XDH: variants seen among roughly 807,000 people sequenced by gnomAD.
XDH encodes the protein xanthine dehydrogenase/oxidase.
A neutral mutation model predicts 156.1 loss-of-function variants in XDH; 138 were observed. The observed-to-expected ratio is 0.88, with a 90% CI of 0.77 to 1.02. The LOEUF is 1.02. XDH is among the 50% of genes least tolerant of loss of function. The pLI is 0.00. For missense variants in XDH, 1,849 were observed against 1,684.9 expected, an observed-to-expected ratio of 1.10 and a Z score of -1.71; for synonymous variants, 669 against 625.7, an observed-to-expected ratio of 1.07 and a Z score of -1.03.
chr2:31,341,521 T>G (rs762384643), intron 32 of XDH, 127 bp from the exon 33 acceptor site: 24 of 976,534 alleles, frequency 2.5e-5, no homozygotes, highest in Non-Finnish European at 3.5e-5. Flanking sequence ...CAGAAAGCCC[T>G]GGGTGTGCTC....
chr2:31,370,799 A>C (rs1351841142), intron 17 of XDH, among the ~76,000 whole-genome samples: 1 of 152,192 alleles, frequency 6.6e-6, no homozygotes, highest in Non-Finnish European at 1.5e-5. Context: ...CAGGAGTTTA[A>C]GACCAGCCTG....
intron 34 of XDH, among the ~76,000 whole-genome samples, chr2:31,339,272 A>G (rs1031435066): frequency 6.6e-6 from 1 of 152,166 alleles, no homozygotes; most frequent in Non-Finnish European, 1.5e-5. Flanking sequence ...GCTTCAGACC[A>G]TACTAAGGTG....
At chr2:31,372,115 G>T in intron 17 of XDH, 113 bp downstream of exon 17, 3 of 1,518,804 alleles carry the variant, frequency 2.0e-6, no homozygotes, top group South Asian at 1.1e-5. Context: ...GGTCCTGGAG[G>T]CACCTCATTA....
At chr2:31,370,707 G>C (rs1294673486) in intron 17 of XDH, among the ~76,000 whole-genome samples, 9 of 152,228 alleles carry the variant, frequency 5.9e-5, no homozygotes, top group Admixed American at 4.6e-4. Context: ...GGGATATAAA[G>C]TGAATAAGCC....
intron 15 of XDH, 35 bp from the exon 16 acceptor site, chr2:31,373,991 A>G (rs754325695): frequency 1.3e-6 from 2 of 1,593,798 alleles, no homozygotes; most frequent in Non-Finnish European, 1.7e-6. Context: ...GACCAGGATT[A>G]TATTTCAATC....
chr2:31,413,874 C>CCT (rs985968749), intron 1 of XDH, among the ~76,000 whole-genome samples: 4 of 151,996 alleles, frequency 2.6e-5, no homozygotes, highest in Non-Finnish European at 5.9e-5. Flanking sequence ...ATGCTTGCCC[C>CCT]CTCTCTCTCT....
intron 35 of XDH, among the ~76,000 whole-genome samples, chr2:31,337,007 A>G (rs1684985052): frequency 6.6e-6 from 1 of 151,228 alleles, no homozygotes; most frequent in Non-Finnish European, 1.5e-5. Flanking sequence ...GGCATTGCCA[A>G]CTACAAGTAT....
At chr2:31,357,116 CACT>C (rs1402546710) in intron 24 of XDH, among the ~76,000 whole-genome samples, 1 of 152,044 alleles carries the variant, frequency 6.6e-6, no homozygotes, top group Non-Finnish European at 1.5e-5. Flanking sequence ...AACTTTACAG[CACT>C]AAATTGAATA....
chr2:31,412,087 T>C (rs1687357688), intron 1 of XDH, among the ~76,000 whole-genome samples: 3 of 152,308 alleles, frequency 2.0e-5, no homozygotes, highest in Admixed American at 6.5e-5. Flanking sequence ...CCCAGATTCT[T>C]CCAGGTGCCA....
At chr2:31,369,088 T>C (rs1474061746) in intron 18 of XDH, among the ~76,000 whole-genome samples, 4 of 152,232 alleles carry the variant, frequency 2.6e-5, no homozygotes, top group Admixed American at 2.6e-4. Flanking sequence ...CCTTAGGCCC[T>C]GACCCCCAGT....
chr2:31,348,186 T>A lies in XDH; in HGVS notation c.3147+82A>T, dbSNP rs564214570. 7.0e-6 allele frequency: 10 copies of A among 1,430,188 alleles called. No homozygotes were observed. The African/African-American group carries it at 1.4e-4, about 20-fold the overall frequency. The allele number at this position is 1,430,188 out of a possible 1,614,324, so 88.6% of individuals were successfully genotyped here. A position where few individuals can be genotyped will look rare whatever the true frequency, so the allele number is the denominator to read the frequency against. ...CAGGGCCAGACCCCGGGCCTGCTTCTGCTCTGATAGGTCCCACTGCTCAAT... is the reference window on the plus strand; with the variant it reads ...CAGGGCCAGACCCCGGGCCTGCTTCAGCTCTGATAGGTCCCACTGCTCAAT... On this transcript the variant is annotated intron_variant, in intron 28 of 35. Coordinates refer to ENST00000379416, the MANE Select transcript of XDH (RefSeq NM_000379.4).
intron 5 of XDH, 34 bp from the exon 6 acceptor site, chr2:31,397,763 C>T: frequency 6.2e-7 from 1 of 1,613,814 alleles, no homozygotes. Context: ...AATGTCAGTG[C>T]AGGGCCCTGG....
chr2:31,377,554 CA>C (rs1686277620), intron 13 of XDH, among the ~76,000 whole-genome samples: 1 of 152,152 alleles, frequency 6.6e-6, no homozygotes, highest in African/African-American at 2.4e-5. Context: ...GGTGCTTTCA[CA>C]AAGGCTCCTT....
intron 9 of XDH, among the ~76,000 whole-genome samples, chr2:31,385,736 T>C (rs906317040): frequency 1.3e-5 from 2 of 152,232 alleles, no homozygotes; most frequent in African/African-American, 4.8e-5. Context: ...CCTGTTCAAC[T>C]ATTCCAGGCC....
chr2:31,400,990 C>A (rs1486986632), intron 4 of XDH, among the ~76,000 whole-genome samples: 1 of 152,198 alleles, frequency 6.6e-6, no homozygotes, highest in East Asian at 1.9e-4. Context: ...TCAGATCATG[C>A]AATGTTATAA....
rs370893474 is a variant in XDH, at chr2:31,380,961, TATA to T, written c.1132+669_1132+671del. Among the ~76,000 whole-genome samples, 120 of 152,356 alleles carry T rather than the reference TATA, an allele frequency of 7.9e-4. 3 individuals are homozygous for T. The East Asian group carries it at 0.016, about 20-fold the overall frequency. ...GAGTATTTATTCCTTTTGTTTTGAATATAATTTATTTCATTGTAATTTTATACA... is the reference window on the plus strand; with the variant it reads ...GAGTATTTATTCCTTTTGTTTTGAATATTTATTTCATTGTAATTTTATACA... On this transcript the variant is annotated intron_variant, in intron 12 of 35. Coordinates refer to ENST00000379416, the MANE Select transcript of XDH (RefSeq NM_000379.4).
At chr2:31,354,274 A>G (rs1053786434) in intron 24 of XDH, among the ~76,000 whole-genome samples, 30 of 152,230 alleles carry the variant, frequency 2.0e-4, no homozygotes, top group African/African-American at 6.8e-4. Flanking sequence ...GCCAATTAAA[A>G]TAGAAGGCTT....
intron 1 of XDH, among the ~76,000 whole-genome samples, chr2:31,410,717 T>A (rs1196268842): frequency 1.3e-5 from 2 of 152,142 alleles, no homozygotes; most frequent in African/African-American, 4.8e-5. Context: ...GAAAGCATAA[T>A]ACAATTCAAT....
At chr2:31,373,817 C>T in intron 16 of XDH, 56 bp downstream of exon 16, 1 of 1,581,798 alleles carries the variant, frequency 6.3e-7, no homozygotes, top group East Asian at 2.2e-5. Context: ...AGCCACTAGC[C>T]AACTCATGTG....
Sources: allele counts gnomAD v4.1 joint callset (sites outside exome capture counted in the v4.1 genomes callset), GRCh38; gene constraint gnomAD v4.1.1; transcripts MANE v1.5; gene names NCBI Gene and HGNC (gene_info 2026-07-23, HGNC 2026-07-21).